ADGRL2: variants seen among roughly 807,000 people sequenced by gnomAD.
ADGRL2 encodes adhesion G protein-coupled receptor L2, also known as calcium-independent alpha-latrotoxin receptor 2.
A neutral mutation model predicts 157.4 loss-of-function variants in ADGRL2; 44 were observed. The observed-to-expected ratio is 0.28, with a 90% CI of 0.22 to 0.36. ADGRL2 has a LOEUF of 0.36. ADGRL2 is among the 10% of genes least tolerant of loss of function. The pLI, the probability that ADGRL2 is intolerant of heterozygous loss-of-function variation, is 1.00. For synonymous variants in ADGRL2, 585 were observed against 624.7 expected, an observed-to-expected ratio of 0.94 and a Z score of 0.95; for missense variants, 1,510 against 1,768.9, an observed-to-expected ratio of 0.85 and a Z score of 2.63.
At chr1:81,603,583 T>C (rs911459932) in intron 3 of ADGRL2, among the ~76,000 whole-genome samples, 1 of 152,244 alleles carries the variant, frequency 6.6e-6, no homozygotes, top group African/African-American at 2.4e-5. Flanking sequence ...TTTTTTCTTA[T>C]ATTTCACAGT....
intron 1 of ADGRL2, among the ~76,000 whole-genome samples, chr1:81,315,159 C>T (rs905844122): frequency 3.3e-5 from 5 of 151,940 alleles, no homozygotes; most frequent in East Asian, 1.9e-4. Flanking sequence ...CTTTAAATTA[C>T]GTAAAGGTCA....
intron 2 of ADGRL2, among the ~76,000 whole-genome samples, chr1:81,547,931 T>G (rs2080057638): frequency 6.6e-6 from 1 of 152,232 alleles, no homozygotes; most frequent in Non-Finnish European, 1.5e-5. Flanking sequence ...TGTCAGATAC[T>G]GTGCATCAAT....
chr1:81,654,143 A>G (rs551871255), intron 3 of ADGRL2, among the ~76,000 whole-genome samples: 55 of 152,210 alleles, frequency 3.6e-4, no homozygotes, highest in African/African-American at 1.3e-3. Flanking sequence ...ATGGGATTTC[A>G]CCACGTTGGC....
chr1:81,348,522 G>A (rs562201491), intron 1 of ADGRL2, among the ~76,000 whole-genome samples: 1 of 152,088 alleles, frequency 6.6e-6, no homozygotes, highest in Non-Finnish European at 1.5e-5. Context: ...ACGCTTCAGA[G>A]GATTTCTCTG....
intron 1 of ADGRL2, among the ~76,000 whole-genome samples, chr1:81,704,438 C>T (rs532611453): frequency 3.3e-5 from 5 of 152,220 alleles, no homozygotes; most frequent in South Asian, 4.1e-4. Context: ...CTAACAGGGG[C>T]GCTGAGCATT....
chr1:81,741,798 T>G (rs2085081833), intron 1 of ADGRL2, among the ~76,000 whole-genome samples: 1 of 151,922 alleles, frequency 6.6e-6, no homozygotes, highest in African/African-American at 2.4e-5. Flanking sequence ...GACTTTGAAA[T>G]CAAAGTATAC....
intron 2 of ADGRL2, among the ~76,000 whole-genome samples, chr1:81,470,809 G>A (rs2078156174): frequency 6.6e-6 from 1 of 152,122 alleles, no homozygotes; most frequent in Non-Finnish European, 1.5e-5. Context: ...TTGTCACATA[G>A]TGAGCTTAAA....
At chr1:81,552,605 G>GAAAAAAAA (rs35795177) in intron 2 of ADGRL2, among the ~76,000 whole-genome samples, 1 of 103,988 alleles carries the variant, frequency 9.6e-6, no homozygotes, top group African/African-American at 3.8e-5. Flanking sequence ...ACTTTACTTA[G>GAAAAAAAA]AAAAAAAAAA....
At position 81,450,513 on chromosome 1, in the gene ADGRL2, G is replaced by C. The variant is rs72940962; in HGVS notation, c.-248+5424G>C. Among the ~76,000 whole-genome samples the C allele has an allele frequency of 4.1e-3, 623 of 152,204 alleles. 4 individuals carry two copies. Among genetic ancestry groups the C allele is most frequent in the African/African-American group, 0.014 (583 of 41,554 alleles). ...GAAGCAAGTGGCAGAGCCAGGATTT[G>C]AACCCACATCTCTCTGAGACCGAAG... On this transcript the variant is annotated intron_variant, in intron 2 of 24. Transcript: ENST00000370721.
At chr1:81,751,426 A>T (rs774827946) in intron 1 of ADGRL2, among the ~76,000 whole-genome samples, 5 of 152,186 alleles carry the variant, frequency 3.3e-5, no homozygotes, top group Non-Finnish European at 5.9e-5. Context: ...CGCCAAAGAG[A>T]GGAAACCTGA....
chr1:81,761,168 A>C (rs1421915794), intron 1 of ADGRL2, among the ~76,000 whole-genome samples: 2 of 151,894 alleles, frequency 1.3e-5, no homozygotes, highest in Non-Finnish European at 2.9e-5. Context: ...CAGAAACAAT[A>C]TCTTTCTTGG....
intron 2 of ADGRL2, among the ~76,000 whole-genome samples, chr1:81,458,258 C>T (rs993115442): frequency 6.6e-6 from 1 of 152,148 alleles, no homozygotes; most frequent in African/African-American, 2.4e-5. Flanking sequence ...GAGATCTACC[C>T]TCTTAACAGA....
chr1:81,647,577 T>A (rs775342124), intron 3 of ADGRL2, among the ~76,000 whole-genome samples: 10 of 152,184 alleles, frequency 6.6e-5, no homozygotes, highest in Non-Finnish European at 1.2e-4. Context: ...ATATGATACA[T>A]AAATGAATTT....
intron 1 of ADGRL2, among the ~76,000 whole-genome samples, chr1:81,311,495 G>A (rs1461996698): frequency 6.6e-6 from 1 of 152,058 alleles, no homozygotes; most frequent in Non-Finnish European, 1.5e-5. Context: ...TTTAATCTGT[G>A]TCCTTCACAG....
chr1:81,436,889 T>C (rs1023440039), intron 1 of ADGRL2, among the ~76,000 whole-genome samples: 1 of 148,998 alleles, frequency 6.7e-6, no homozygotes, highest in African/African-American at 2.6e-5. Flanking sequence ...ACAGAAGTGC[T>C]GACAAAAGTG....
At chr1:81,323,659 G>C (rs1037724788) in intron 1 of ADGRL2, among the ~76,000 whole-genome samples, 3 of 152,080 alleles carry the variant, frequency 2.0e-5, no homozygotes, top group Admixed American at 1.3e-4. Flanking sequence ...TAGTGATAAA[G>C]AGGAAAAGCT....
chr1:81,757,808 C>A (rs2085741688), intron 1 of ADGRL2, among the ~76,000 whole-genome samples: 1 of 152,276 alleles, frequency 6.6e-6, no homozygotes, highest in East Asian at 1.9e-4. Context: ...AGGCAGATAG[C>A]CAGTCTTTGA....
intron 1 of ADGRL2, among the ~76,000 whole-genome samples, chr1:81,715,420 T>C (rs1403911572): frequency 1.3e-5 from 2 of 152,198 alleles, no homozygotes; most frequent in South Asian, 2.1e-4. Flanking sequence ...GCTCAAATAG[T>C]ATAATTTACC....
At chr1:81,631,457 TC>T (rs1470538374) in intron 3 of ADGRL2, among the ~76,000 whole-genome samples, 1 of 152,166 alleles carries the variant, frequency 6.6e-6, no homozygotes, top group Non-Finnish European at 1.5e-5. Flanking sequence ...CCTCAAGTAA[TC>T]CGCCTCCCAA....
Sources: gnomAD v4.1 joint callset for allele counts (sites outside exome capture counted in the v4.1 genomes callset) on GRCh38, gnomAD v4.1.1 for gene constraint, MANE v1.5 for transcripts, NCBI Gene and HGNC (gene_info 2026-07-23, HGNC 2026-07-21) for gene names.